RPS6KC1: variants seen among roughly 807,000 people sequenced by gnomAD.
RPS6KC1 encodes the protein inactive ribosomal protein S6 kinase delta-1.
Under a neutral mutation model 103.8 loss-of-function variants are expected in RPS6KC1, and 54 were observed. The ratio of observed to expected loss-of-function variants is 0.52; its 90% confidence interval spans 0.42 to 0.65. RPS6KC1 has a LOEUF of 0.65. Ranked by LOEUF, RPS6KC1 falls within the 30% of genes least tolerant of loss-of-function variation. The pLI is 0.00. For missense variants in RPS6KC1, 1,151 were observed against 1,253.8 expected (o/e 0.92, Z 1.24); for synonymous variants, 439 against 438.7 (o/e 1.00, Z -0.01).
intron 10 of RPS6KC1, among the ~76,000 whole-genome samples, chr1:213,235,535 C>T (rs1003586449): frequency 6.6e-6 from 1 of 152,036 alleles, no homozygotes; most frequent in African/African-American, 2.4e-5. Flanking sequence ...CAGAGACCTT[C>T]AGGAAGTGAG....
At chr1:213,218,353 G>A (rs1352114967) in intron 8 of RPS6KC1, among the ~76,000 whole-genome samples, 7 of 152,012 alleles carry the variant, frequency 4.6e-5, no homozygotes, top group Non-Finnish European at 8.8e-5. Context: ...ACAAACCACT[G>A]CTCAATGAAA....
chr1:213,085,597 A>G (rs1218193421), intron 3 of RPS6KC1, among the ~76,000 whole-genome samples: 1 of 152,198 alleles, frequency 6.6e-6, no homozygotes, highest in African/African-American at 2.4e-5. Flanking sequence ...AATAGTTACA[A>G]AATAATGATT....
At chr1:213,533,028 A>T in the RPS6KC1 span, among the ~76,000 whole-genome samples, 1 of 152,212 alleles carries the variant, frequency 6.6e-6, no homozygotes, top group African/African-American at 2.4e-5. Flanking sequence ...ATGCCAGCCT[A>T]GGGAAGTTCA....
At position 213,140,549 on chromosome 1, in the gene RPS6KC1, G is replaced by A. The variant is rs923913164; in HGVS notation, c.835+10660G>A. On this transcript the variant is annotated intron_variant, in intron 6 of 14. Transcript: ENST00000366960. ...TCATTGAGGATTTTTAACACAAAGC[G>A]ATGTTGAATTTTATCGACAGCCTTT... is the stretch of plus-strand genomic sequence containing the variant. Among the ~76,000 whole-genome samples, 9 of 152,210 alleles carry A rather than the reference G, an allele frequency of 5.9e-5. No homozygotes were observed. In the South Asian group the frequency reaches 8.3e-4, roughly 14 times the overall value.
the RPS6KC1 span, among the ~76,000 whole-genome samples, chr1:213,705,763 C>G: frequency 6.6e-6 from 1 of 152,198 alleles, no homozygotes; most frequent in South Asian, 2.1e-4. Flanking sequence ...TTGGGTATCA[C>G]TGGGTATTCA....
At chr1:213,115,858 T>C (rs1185916918) in intron 4 of RPS6KC1, among the ~76,000 whole-genome samples, 1 of 152,130 alleles carries the variant, frequency 6.6e-6, no homozygotes, top group Non-Finnish European at 1.5e-5. Context: ...TGTAGTTGAG[T>C]GGTTTTGAGT....
intron 3 of RPS6KC1, among the ~76,000 whole-genome samples, chr1:213,101,081 G>A (rs1387759463): frequency 3.3e-5 from 5 of 152,034 alleles, no homozygotes; most frequent in Non-Finnish European, 5.9e-5. Context: ...GTGCAACCTC[G>A]CCAGCATCTG....
chr1:213,540,738 T>C, the RPS6KC1 span, among the ~76,000 whole-genome samples: 2 of 152,254 alleles, frequency 1.3e-5, no homozygotes, highest in African/African-American at 4.8e-5. Context: ...CATGCAATAC[T>C]GTTAGATAAC....
the RPS6KC1 span, chr1:213,819,660 T>C: frequency 6.6e-6 from 1 of 152,194 alleles, no homozygotes; most frequent in Non-Finnish European, 1.5e-5. Context: ...AATGACATAA[T>C]GTATGTAAAG....
the RPS6KC1 span, among the ~76,000 whole-genome samples, chr1:213,505,021 G>A: frequency 6.6e-6 from 1 of 152,206 alleles, no homozygotes; most frequent in South Asian, 2.1e-4. Flanking sequence ...TGGGACCCAA[G>A]ATCTGGGTCA....
In RPS6KC1 at chr1:213,240,717, C is replaced by A; in HGVS notation, c.1241C>A (p.Ser414Ter). ...LQHAEGGKLW[S>*]YISKFLNRSP... ...TTGTTCACAGGTGGCAAACTGTGGTCATATATCAGTAAATTTCTAAACAGA... is the reference window on the plus strand; with the variant it reads ...TTGTTCACAGGTGGCAAACTGTGGTAATATATCAGTAAATTTCTAAACAGA... Residue 414 changes from serine (S) to a stop codon, truncating the protein, a stop_gained, in exon 11 of 15, where the codon TCA becomes TAA. Transcript: ENST00000366960. LOFTEE classifies it high-confidence loss of function. 6.2e-7 allele frequency: 1 copy of A among 1,610,718 alleles called. No homozygotes were observed. The highest frequency in any genetic ancestry group is 1.1e-5 in the South Asian group (1 of 90,658).
At chr1:213,727,171 G>C in the RPS6KC1 span, among the ~76,000 whole-genome samples, 1 of 152,124 alleles carries the variant, frequency 6.6e-6, no homozygotes, top group Non-Finnish European at 1.5e-5. Context: ...TGCACTATTC[G>C]GTAAACATCA....
the RPS6KC1 span, among the ~76,000 whole-genome samples, chr1:213,621,741 A>G: frequency 6.6e-6 from 1 of 152,148 alleles, no homozygotes; most frequent in Non-Finnish European, 1.5e-5. Flanking sequence ...CCAAAAATAT[A>G]AGGTATTTTA....
At chr1:213,476,350 A>G in the RPS6KC1 span, among the ~76,000 whole-genome samples, 1 of 152,172 alleles carries the variant, frequency 6.6e-6, no homozygotes, top group African/African-American at 2.4e-5. Flanking sequence ...TGCCATCTTA[A>G]TATTTGTTAA....
intron 8 of RPS6KC1, among the ~76,000 whole-genome samples, chr1:213,208,509 C>CT (rs1475352986): frequency 6.6e-6 from 1 of 152,094 alleles, no homozygotes; most frequent in Non-Finnish European, 1.5e-5. Context: ...CTTTGCTTAT[C>CT]TTTTTTCCAT....
the RPS6KC1 span, among the ~76,000 whole-genome samples, chr1:213,527,887 TTATAA>T: frequency 6.6e-6 from 1 of 152,124 alleles, no homozygotes; most frequent in African/African-American, 2.4e-5. Context: ...TACCATGCTC[TTATAA>T]TAAAGTAAGC....
intron 3 of RPS6KC1, among the ~76,000 whole-genome samples, chr1:213,084,838 G>T (rs1266496280): frequency 6.6e-6 from 1 of 152,054 alleles, no homozygotes; most frequent in African/African-American, 2.4e-5. Flanking sequence ...CTCATGTTTA[G>T]TTCTAGGTTA....
intron 10 of RPS6KC1, among the ~76,000 whole-genome samples, chr1:213,234,255 C>T (rs1164500492): frequency 3.9e-5 from 6 of 152,128 alleles, no homozygotes; most frequent in Non-Finnish European, 7.4e-5. Context: ...AAGCGATTCT[C>T]CTGCCTCAGC....
the RPS6KC1 span, among the ~76,000 whole-genome samples, chr1:213,526,789 A>G: frequency 6.6e-6 from 1 of 152,214 alleles, no homozygotes; most frequent in African/African-American, 2.4e-5. Context: ...TAGGAAATTG[A>G]GGCAAAACCT....
Sources: allele counts gnomAD v4.1 joint callset (sites outside exome capture counted in the v4.1 genomes callset), GRCh38; gene constraint gnomAD v4.1.1; transcripts MANE v1.5; gene names NCBI Gene and HGNC (gene_info 2026-07-23, HGNC 2026-07-21).